Variants in ANKRD11 observed in about 807,000 individuals in gnomAD.
The protein encoded by ANKRD11 is ankyrin repeat domain-containing protein 11.
Under a neutral mutation model 195.7 loss-of-function variants are expected in ANKRD11, and 17 were observed. The ratio of observed to expected loss-of-function variants is 0.09; its 90% CI spans 0.06 to 0.13. ANKRD11 has a LOEUF of 0.13. Ranked by LOEUF, ANKRD11 falls within the 10% of genes least tolerant of loss-of-function variation. The pLI is 1.00. For missense variants in ANKRD11, 3,735 were observed against 3,566.1 expected, an observed-to-expected ratio of 1.05 and a Z score of -1.21; for synonymous variants, 1,953 against 1,528.1, an observed-to-expected ratio of 1.28 and a Z score of -6.49.
intron 12 of ANKRD11, chr16:89,270,403 C>CCCTCGCGA: frequency 3.3e-6 from 1 of 302,548 alleles, no homozygotes; most frequent in Middle Eastern, 1.2e-3. Flanking sequence ...CGGTGAGCAG[C>CCCTCGCGA]CCTCGCGACC....
chr16:89,443,023 C>T (rs563495715), intron 1 of ANKRD11, among the ~76,000 whole-genome samples: 10 of 152,308 alleles, frequency 6.6e-5, no homozygotes, highest in Non-Finnish European at 1.3e-4. Flanking sequence ...AACAGAATCT[C>T]GCTCTGTCAT....
chr16:89,278,726 G>A (rs572808039), intron 9 of ANKRD11: 3 of 508,864 alleles, frequency 5.9e-6, no homozygotes, highest in East Asian at 1.0e-4. Flanking sequence ...GGTGGCTCTC[G>A]TGAGGCCGTC....
At chr16:89,469,137 T>C (rs2056982433) in intron 1 of ANKRD11, among the ~76,000 whole-genome samples, 1 of 151,612 alleles carries the variant, frequency 6.6e-6, no homozygotes, top group Non-Finnish European at 1.5e-5. Context: ...GAGCCACCAC[T>C]GCACTGCACT....
chr16:89,424,918 T>A (rs575845153), intron 1 of ANKRD11, among the ~76,000 whole-genome samples: 30 of 152,226 alleles, frequency 2.0e-4, no homozygotes, highest in African/African-American at 7.0e-4. Context: ...TCAGGCAACC[T>A]GAGTAAGACC....
chr16:89,307,342 G>A (rs1016578995), intron 3 of ANKRD11, among the ~76,000 whole-genome samples: 9 of 152,138 alleles, frequency 5.9e-5, no homozygotes, highest in South Asian at 2.1e-4. Flanking sequence ...TCCACCAAAC[G>A]TGCATCCACC....
At chr16:89,474,727 A>G (rs1354606264) in intron 1 of ANKRD11, among the ~76,000 whole-genome samples, 1 of 152,182 alleles carries the variant, frequency 6.6e-6, no homozygotes, top group African/African-American at 2.4e-5. Context: ...TCACAGCTTC[A>G]ATTATTTCAT....
At chr16:89,324,177 C>CG (rs2037545965) in intron 2 of ANKRD11, 5 of 1,145,862 alleles carry the variant, frequency 4.4e-6, no homozygotes, top group Non-Finnish European at 5.5e-6. Context: ...GTTATCACGG[C>CG]GGGGGGTGGC....
chr16:89,300,745 GA>G lies in ANKRD11; in HGVS notation c.226+4460del, dbSNP rs112214433. 3.0e-3 allele frequency: 1,763 copies of G among 587,146 alleles called. 27 individuals carry two copies. The highest frequency in any genetic ancestry group is 0.029 in the African/African-American group (1,515 of 52,728). 36.4% of individuals were successfully genotyped at this position (587,146 alleles called of 1,614,324 possible). On this transcript the variant is annotated intron_variant, in intron 4 of 12. Transcript: ENST00000301030. ...CTGAAGGTGCCAAGCACCTAACGCT[GA>G]AGGAACCAGCATGTGCCTGGCAGCA...
intron 1 of ANKRD11, among the ~76,000 whole-genome samples, chr16:89,428,175 T>G (rs887168873): frequency 7.2e-5 from 11 of 151,944 alleles, no homozygotes; most frequent in Non-Finnish European, 1.2e-4. Context: ...GCCACTGCAC[T>G]ACAGCCTAGG....
At chr16:89,320,436 G>A (rs2037236083) in intron 2 of ANKRD11, 4 of 152,190 alleles carry the variant, frequency 2.6e-5, no homozygotes, top group African/African-American at 9.7e-5. Context: ...AGGCCACTGG[G>A]GCTGACTCAC....
rs765369151 is a variant in ANKRD11, at chr16:89,288,521, T to C, written c.744+7A>G. 1.9e-6 allele frequency: 3 copies of C among 1,614,070 alleles called. No homozygotes were observed. The highest frequency in any genetic ancestry group is 2.5e-6 in the Non-Finnish European group (3 of 1,180,024). ...GCCGGATGTGTGAAGAACGGGGGGA[T>C]GCCAACCTTGTAGTGCCCGTTGTTG... is the stretch of plus-strand genomic sequence containing the variant. On this transcript the variant is annotated splice_region_variant and intron_variant, in intron 7 of 12. Coordinates refer to ENST00000301030, the MANE Select transcript of ANKRD11 (RefSeq NM_013275.6).
intron 2 of ANKRD11, among the ~76,000 whole-genome samples, chr16:89,365,767 C>T (rs950828994): frequency 6.6e-6 from 1 of 152,020 alleles, no homozygotes; most frequent in Non-Finnish European, 1.5e-5. Context: ...CGTAGGTAAA[C>T]TTGTGTCATC....
intron 2 of ANKRD11, among the ~76,000 whole-genome samples, chr16:89,355,237 G>A (rs1435789914): frequency 1.3e-5 from 2 of 150,854 alleles, no homozygotes; most frequent in Non-Finnish European, 3.0e-5. Context: ...AGGGAGGGCG[G>A]AGGGCTCACA....
intron 1 of ANKRD11, chr16:89,443,441 A>AT (rs1297171496): frequency 2.0e-5 from 3 of 152,122 alleles, no homozygotes; most frequent in Non-Finnish European, 4.4e-5. Flanking sequence ...ACACACACAG[A>AT]TTGGGACCTG....
intron 2 of ANKRD11, among the ~76,000 whole-genome samples, chr16:89,417,624 T>A (rs979349665): frequency 9.2e-5 from 14 of 151,846 alleles, no homozygotes; most frequent in African/African-American, 3.1e-4. Context: ...GGTCTCCAGC[T>A]CCTAGGAAAA....
chr16:89,305,255 C>T lies in ANKRD11; in HGVS notation c.177G>A (p.Lys59=). The T allele has an allele frequency of 6.2e-7, 1 of 1,613,916 alleles. No individual in the cohort carries two copies. ...KEVRERASKR[K]LPFTAGANGE... ...CATTGGCGCCCGCGGTGAAGGGCAGCTTCCGCTTGCTGGCTCGCTCCCTCA... is the reference window on the plus strand; with the variant it reads ...CATTGGCGCCCGCGGTGAAGGGCAGTTTCCGCTTGCTGGCTCGCTCCCTCA... Residue 59 remains lysine (K), a synonymous_variant, in exon 4 of 13, where the codon AAG becomes AAA. Transcript: ENST00000301030.
At chr16:89,348,120 TA>T (rs2039032544) in intron 2 of ANKRD11, among the ~76,000 whole-genome samples, 1 of 152,036 alleles carries the variant, frequency 6.6e-6, no homozygotes, top group Non-Finnish European at 1.5e-5. Flanking sequence ...TTTGTACAGA[TA>T]GGGTTTCACC....
chr16:89,388,437 G>C (rs1015502871), intron 2 of ANKRD11, among the ~76,000 whole-genome samples: 1 of 151,636 alleles, frequency 6.6e-6, no homozygotes, highest in Non-Finnish European at 1.5e-5. Context: ...GCCTCCATGA[G>C]GTTGATTTTT....
At chr16:89,362,314 G>C (rs534768018) in intron 2 of ANKRD11, among the ~76,000 whole-genome samples, 11 of 152,356 alleles carry the variant, frequency 7.2e-5, no homozygotes, top group Non-Finnish European at 1.5e-5. Flanking sequence ...CTGTCTGCCT[G>C]AGTGAAACCT....
Sources: gnomAD v4.1 joint callset for allele counts (sites outside exome capture counted in the v4.1 genomes callset) on GRCh38, gnomAD v4.1.1 for gene constraint, MANE v1.5 for transcripts, NCBI Gene and HGNC (gene_info 2026-07-23, HGNC 2026-07-21) for gene names.